The following KCND2 variants were observed in gnomAD, a reference collection of about 807,000 sequenced individuals.
The protein encoded by KCND2 is A-type voltage-gated potassium channel KCND2.
Under a neutral mutation model 54.4 loss-of-function variants are expected in KCND2, and 16 were observed. That is an observed-to-expected ratio of 0.29 (90% confidence interval 0.20 to 0.45). The LOEUF is 0.45. KCND2 is among the 20% of genes least tolerant of loss of function. KCND2 has a pLI of 1.00. For missense variants in KCND2, 486 were observed against 824.2 expected (o/e 0.59, Z 5.02); for synonymous variants, 317 against 310.7 (o/e 1.02, Z -0.21).
intron 1 of KCND2, among the ~76,000 whole-genome samples, chr7:120,292,608 A>G (rs1177692039): frequency 2.0e-5 from 3 of 151,890 alleles, no homozygotes; most frequent in Non-Finnish European, 4.4e-5. Context: ...CTTTTCAAAG[A>G]TTCTGTGTAA....
intron 1 of KCND2, among the ~76,000 whole-genome samples, chr7:120,498,172 A>G (rs897849782): frequency 2.6e-5 from 4 of 152,122 alleles, no homozygotes; most frequent in African/African-American, 9.7e-5. Flanking sequence ...AAATCATTTA[A>G]TAAGTAAAAT....
chr7:120,503,284 G>A (rs944848281), intron 1 of KCND2, among the ~76,000 whole-genome samples: 1 of 151,938 alleles, frequency 6.6e-6, no homozygotes, highest in Non-Finnish European at 1.5e-5. Context: ...CATTTAAAAT[G>A]TGGCATTAAA....
At position 120,275,495 on chromosome 7, in the gene KCND2, C is replaced by T; in HGVS notation, c.863C>T (p.Ala288Val). 2 of 1,612,806 alleles carry T rather than the reference C, an allele frequency of 1.2e-6. No individual in the cohort carries two copies. The highest frequency in any genetic ancestry group is 1.7e-6 in the Non-Finnish European group (2 of 1,179,194). The change falls in exon 1 of 6, where the codon GCC becomes GTC. Residue 288 changes from alanine (A) to valine (V), a missense_variant. By Grantham distance (64) the Ala-to-Val change is moderately conservative. Around this residue, in one of 7 missense-constraint regions of KCND2, gnomAD observed 12 missense variants for 67.0 expected, o/e 0.18. Transcript: ENST00000331113. ...ACAGACAATGAGGACGTCAGCGGAGCCTTTGTCACACTCCGAGTCTTCCGG... is the reference window on the plus strand; with the variant it reads ...ACAGACAATGAGGACGTCAGCGGAGTCTTTGTCACACTCCGAGTCTTCCGG... Reference protein sequence around the residue: ...VMTDNEDVSGAFVTLRVFRVF... With the variant: ...VMTDNEDVSGVFVTLRVFRVF...
intron 1 of KCND2, among the ~76,000 whole-genome samples, chr7:120,346,691 TTCTC>T (rs2116375435): frequency 6.6e-6 from 1 of 152,014 alleles, no homozygotes; most frequent in African/African-American, 2.4e-5. Context: ...CTCTGTCTCT[TTCTC>T]TCTCTTTCTC....
At chr7:120,666,062 A>G (rs1280796169) in intron 1 of KCND2, among the ~76,000 whole-genome samples, 1 of 152,128 alleles carries the variant, frequency 6.6e-6, no homozygotes, top group Non-Finnish European at 1.5e-5. Context: ...CAAAAAATTT[A>G]AAGGACTTTA....
rs896831852 is a variant in KCND2, at chr7:120,273,375, G to A, written c.-1258G>A. ...TCGGACGAGAGCCCGTGCCGGCCCC[G>A]GCCCCGGCCCCACCGCGCCAACGCC... On this transcript the variant is annotated 5_prime_UTR_variant, in exon 1 of 6. Transcript: ENST00000331113. Among the ~76,000 whole-genome samples, 30 of 148,010 alleles carry A rather than the reference G, an allele frequency of 2.0e-4. No individual in the cohort carries two copies. Among genetic ancestry groups the A allele is most frequent in the Admixed American group, 1.1e-3 (17 of 14,888 alleles).
chr7:120,298,215 T>A (rs1483430240), intron 1 of KCND2, among the ~76,000 whole-genome samples: 2 of 151,778 alleles, frequency 1.3e-5, no homozygotes. Flanking sequence ...CAAAAAAGAG[T>A]CTCTCTACAC....
At chr7:120,550,138 C>A (rs1431287633) in intron 1 of KCND2, among the ~76,000 whole-genome samples, 1 of 151,962 alleles carries the variant, frequency 6.6e-6, no homozygotes, top group Admixed American at 6.6e-5. Flanking sequence ...CACTCCACGC[C>A]ATAACCAATA....
chr7:120,421,617 T>C (rs1468192025), intron 1 of KCND2, among the ~76,000 whole-genome samples: 2 of 152,246 alleles, frequency 1.3e-5, no homozygotes, highest in Non-Finnish European at 2.9e-5. Flanking sequence ...AGGTGATTGT[T>C]AATTTTCAGC....
rs1282427681 is a variant in KCND2, at chr7:120,274,448, A to T, written c.-185A>T. Reference sequence around the variant, plus strand: ...CCATTATTCCAAATACCTGTCTTGGAGGGAAAGTTGCCCTTCTGAGAACTG... The same window carrying T: ...CCATTATTCCAAATACCTGTCTTGGTGGGAAAGTTGCCCTTCTGAGAACTG... On this transcript the variant is annotated 5_prime_UTR_variant, in exon 1 of 6. Coordinates refer to ENST00000331113, the MANE Select transcript of KCND2 (RefSeq NM_012281.3). 5.7e-6 allele frequency: 4 copies of T among 703,462 alleles called. No homozygotes were observed. Among genetic ancestry groups the T allele is most frequent in the Non-Finnish European group, 1.0e-5 (4 of 392,142 alleles). The allele number at this position is 703,462 out of a possible 1,614,324, so 43.6% of individuals were successfully genotyped here. A position where few individuals can be genotyped will look rare whatever the true frequency, so the allele number is the denominator to read the frequency against.
intron 1 of KCND2, among the ~76,000 whole-genome samples, chr7:120,370,781 T>C (rs1201339603): frequency 6.6e-6 from 1 of 152,062 alleles, no homozygotes; most frequent in Non-Finnish European, 1.5e-5. Flanking sequence ...TCATAATCTG[T>C]ACTGTTCATA....
intron 1 of KCND2, among the ~76,000 whole-genome samples, chr7:120,305,927 C>G (rs1799647004): frequency 6.6e-6 from 1 of 152,184 alleles, no homozygotes; most frequent in Non-Finnish European, 1.5e-5. Context: ...TCAGACTTAC[C>G]TGGCTTCACC....
At chr7:120,672,314 A>G (rs1279201903) in intron 1 of KCND2, among the ~76,000 whole-genome samples, 2 of 152,086 alleles carry the variant, frequency 1.3e-5, no homozygotes, top group Non-Finnish European at 2.9e-5. Context: ...AAACTCTAAA[A>G]TTCTACTCCA....
intron 1 of KCND2, among the ~76,000 whole-genome samples, chr7:120,565,698 C>A (rs1022491199): frequency 6.6e-6 from 1 of 152,128 alleles, no homozygotes; most frequent in Non-Finnish European, 1.5e-5. Context: ...GAAAAAGTGT[C>A]ATGAGACTTC....
intron 1 of KCND2, among the ~76,000 whole-genome samples, chr7:120,348,196 A>G (rs929946430): frequency 6.6e-6 from 1 of 152,162 alleles, no homozygotes; most frequent in Non-Finnish European, 1.5e-5. Flanking sequence ...TTGATTCCAA[A>G]TATCATAGAT....
chr7:120,577,040 G>T (rs1350981757), intron 1 of KCND2, among the ~76,000 whole-genome samples: 1 of 151,966 alleles, frequency 6.6e-6, no homozygotes, highest in Non-Finnish European at 1.5e-5. Flanking sequence ...CCAGCTACTC[G>T]GGAGGCTGAG....
At chr7:120,345,566 G>T (rs971025202) in intron 1 of KCND2, among the ~76,000 whole-genome samples, 1 of 151,964 alleles carries the variant, frequency 6.6e-6, no homozygotes, top group Non-Finnish European at 1.5e-5. Flanking sequence ...CGACTCCCTG[G>T]CAACCACCAT....
intron 1 of KCND2, among the ~76,000 whole-genome samples, chr7:120,375,956 T>C (rs1301355742): frequency 1.3e-5 from 2 of 151,722 alleles, no homozygotes; most frequent in African/African-American, 4.8e-5. Context: ...AAATCTGAGT[T>C]GTATATTGGG....
At chr7:120,372,571 A>G (rs921093503) in intron 1 of KCND2, among the ~76,000 whole-genome samples, 7 of 151,928 alleles carry the variant, frequency 4.6e-5, no homozygotes, top group Non-Finnish European at 7.4e-5. Flanking sequence ...AGACCTAGAA[A>G]AACAAACTTT....
Sources: gnomAD v4.1 joint callset for allele counts (sites outside exome capture counted in the v4.1 genomes callset) on GRCh38, gnomAD v4.1.1 for gene constraint, gnomAD v4.1.1 regional missense constraint, MANE v1.5 for transcripts, NCBI Gene and HGNC (gene_info 2026-07-23, HGNC 2026-07-21) for gene names.